KDM2B: variants seen among roughly 807,000 people sequenced by gnomAD.
The protein encoded by KDM2B is lysine demethylase 2B.
In KDM2B, 26 loss-of-function variants were observed where a neutral mutation model predicts 150.0. That is an observed-to-expected ratio of 0.17 (90% CI 0.13 to 0.24). The LOEUF (loss-of-function observed/expected upper bound fraction) is 0.24, where lower values mean the gene tolerates loss of function less well. Ranked by LOEUF, KDM2B falls within the 10% of genes least tolerant of loss-of-function variation. KDM2B has a pLI of 1.00. For synonymous variants in KDM2B, 734 were observed against 729.5 expected (o/e 1.01, Z -0.10); for missense variants, 1,265 against 1,816.9 (o/e 0.70, Z 5.52).
rs782258980 is a variant in KDM2B at position 121,444,022 on chromosome 12, C to A, written c.2441G>T (p.Gly814Val). 3 of 1,610,504 alleles carry A rather than the reference C, an allele frequency of 1.9e-6. No homozygotes were observed. The highest frequency in any genetic ancestry group is 2.5e-6 in the Non-Finnish European group (3 of 1,177,764). The change falls in exon 16 of 23, where the codon GGA (glycine) becomes GTA (valine). Residue 814 changes from glycine (G) to valine (V), a missense_variant. Gly to Val is a moderately radical substitution (Grantham distance 109, BLOSUM62 -3). Transcript: ENST00000377071. ...CCTCCTGGTCCGTACCCGCTTGCGT[C>A]CACTCAGCTCCTGGGGCTTCTCGTA... is the stretch of plus-strand genomic sequence containing the variant. Reference protein sequence around the residue: ...RKYEKPQELSGRKRASSLQTS... With the variant: ...RKYEKPQELSVRKRASSLQTS...
downstream of KDM2B, among the ~76,000 whole-genome samples, chr12:121,425,460 T>A (rs1286845603): frequency 2.0e-5 from 3 of 152,338 alleles, no homozygotes; most frequent in African/African-American, 2.4e-5. Flanking sequence ...GAGTCTGTTA[T>A]CTCCTGACTG....
At chr12:121,495,950 C>T (rs997238936) in intron 11 of KDM2B, among the ~76,000 whole-genome samples, 3 of 152,022 alleles carry the variant, frequency 2.0e-5, no homozygotes, top group African/African-American at 7.2e-5. Context: ...TGTTCACTCT[C>T]GGTGAGCAGT....
intron 2 of KDM2B, among the ~76,000 whole-genome samples, chr12:121,577,051 C>A (rs1376134774): frequency 2.6e-5 from 4 of 152,180 alleles, no homozygotes; most frequent in African/African-American, 9.7e-5. Context: ...TATTTTGAAT[C>A]CAGGCTAAGG....
At chr12:121,480,933 T>TG (rs1407656673) in intron 12 of KDM2B, among the ~76,000 whole-genome samples, 3 of 58,310 alleles carry the variant, frequency 5.1e-5, no homozygotes, top group Non-Finnish European at 1.4e-4. Context: ...TTTTTTGTTG[T>TG]TTTTTTTTTT....
At chr12:121,413,246 T>C in the KDM2B span, among the ~76,000 whole-genome samples, 1 of 149,962 alleles carries the variant, frequency 6.7e-6, no homozygotes, top group Admixed American at 6.7e-5. Context: ...AGGCTGTTCT[T>C]GAACTCCTGA....
the KDM2B span, chr12:121,420,799 T>C: frequency 1.9e-6 from 3 of 1,579,996 alleles, no homozygotes; most frequent in South Asian, 3.3e-5. Context: ...CTTTTCATTT[T>C]TTCCCTGTAG....
In KDM2B at chr12:121,521,068, A is replaced by C. The variant is rs1566371236; in HGVS notation, c.964T>G (p.Ser322Ala). 6.2e-7 allele frequency: 1 copy of C among 1,613,850 alleles called. No homozygotes were observed. Among genetic ancestry groups the C allele is most frequent in the Non-Finnish European group, 8.5e-7 (1 of 1,179,920 alleles). ...WIHAVYTPVD[S>A]LVFGGNILHS... ...AGGATGTTTCCGCCGAACACCAAAGAGTCTACAGGGGTGTAGACGGCATGG... is the reference window on the plus strand; with the variant it reads ...AGGATGTTTCCGCCGAACACCAAAGCGTCTACAGGGGTGTAGACGGCATGG... Residue 322 changes from serine to alanine, a missense_variant, in exon 9 of 23, where the codon TCT becomes GCT. Coordinates refer to ENST00000377071, the MANE Select transcript of KDM2B (RefSeq NM_032590.5). The surrounding 1 kb of genome is among the most constrained non-coding windows in gnomAD (Gnocchi z 4.9).
downstream of KDM2B, among the ~76,000 whole-genome samples, chr12:121,427,337 AGACCAGCCT>A (rs1872556952): frequency 6.6e-6 from 1 of 152,180 alleles, no homozygotes; most frequent in African/African-American, 2.4e-5. Context: ...CAGGAGTTCG[AGACCAGCCT>A]GGCCAACATG....
In KDM2B at chr12:121,511,218, C is replaced by T. The variant is rs915681550; in HGVS notation, c.1175-1179G>A. 4.5e-4 allele frequency among the ~76,000 whole-genome samples: 68 copies of T among 150,312 alleles called. 1 individual carries two copies. Among genetic ancestry groups the T allele is most frequent in the Admixed American group, 2.0e-4 (3 of 14,968 alleles). The stretch of plus-strand genomic sequence containing the variant: ...AGAGACAGGGTTTTACCTTGTTGGT[C>T]AGGTTGGTCTCGAACTCCTAACGTC... On this transcript the variant is annotated intron_variant, in intron 10 of 22. Transcript: ENST00000377071.
At chr12:121,531,370 C>G (rs997285722) in intron 8 of KDM2B, among the ~76,000 whole-genome samples, 9 of 152,218 alleles carry the variant, frequency 5.9e-5, no homozygotes, top group African/African-American at 1.9e-4. Context: ...ATCCCCATAG[C>G]AGGAACTGCT....
chr12:121,440,745 G>A, intron 21 of KDM2B, 71 bp downstream of exon 21: 1 of 1,400,484 alleles, frequency 7.1e-7, no homozygotes, highest in South Asian at 1.3e-5. Flanking sequence ...TGGGGTCTGA[G>A]GGTAAAAGCA....
rs145849631 is a variant in KDM2B, at chr12:121,552,883, C to T, written c.398-3245G>A. On this transcript the variant is annotated intron_variant, in intron 4 of 22. Transcript: ENST00000377071. ...CTTCCTTACCCAGGTGCCTGGAATA[C>T]GTGGGCGCCACTCAGATTTTCCAGG... Among the ~76,000 whole-genome samples the T allele has an allele frequency of 5.1e-3, 772 of 152,124 alleles. 3 individuals are homozygous for T. The highest frequency in any genetic ancestry group is 8.7e-3 in the Admixed American group (133 of 15,266).
At chr12:121,486,333 C>CTTTTTTTTTTTTT (rs71079073) in intron 12 of KDM2B, among the ~76,000 whole-genome samples, 1 of 59,008 alleles carries the variant, frequency 1.7e-5, no homozygotes, top group African/African-American at 7.8e-5. Flanking sequence ...TTTCGAACTC[C>CTTTTTTTTTTTTT]TTTTTTTTTT....
chr12:121,428,064 C>T (rs1346408545), downstream of KDM2B, among the ~76,000 whole-genome samples: 1 of 152,156 alleles, frequency 6.6e-6, no homozygotes, highest in East Asian at 1.9e-4. Context: ...AAGAAAGTCA[C>T]ATTTTTATAA....
chr12:121,492,938 C>T (rs1273155800), intron 12 of KDM2B, among the ~76,000 whole-genome samples: 1 of 151,958 alleles, frequency 6.6e-6, no homozygotes, highest in Non-Finnish European at 1.5e-5. Flanking sequence ...ATCTGTTGCC[C>T]AGACTGAAGT....
chr12:121,559,958 T>G (rs934586659), intron 4 of KDM2B, among the ~76,000 whole-genome samples: 3 of 151,280 alleles, frequency 2.0e-5, no homozygotes, highest in African/African-American at 7.3e-5. Context: ...CAAGTAGAAA[T>G]TTGATCATTG....
Position 121,581,002 on chromosome 12 carries a change from AG to A in KDM2B, c.-92del. On this transcript the variant is annotated 5_prime_UTR_variant, in exon 1 of 23. Coordinates refer to ENST00000377071, the MANE Select transcript of KDM2B (RefSeq NM_032590.5). ...TAACTTTTAAACTCCCGGCACTCAA[AG>A]ATGTGGACACACACACGTACAGGAA... 6.6e-7 allele frequency: 1 copy of A among 1,513,102 alleles called. No individual in the cohort carries two copies. Among genetic ancestry groups the A allele is most frequent in the South Asian group, 1.3e-5 (1 of 77,642 alleles). The allele number at this position is 1,513,102 out of a possible 1,614,324, so 93.7% of individuals were successfully genotyped here. A position where few individuals can be genotyped will look rare whatever the true frequency, so the allele number is the denominator to read the frequency against.
At chr12:121,460,651 G>T (rs545467933) in intron 12 of KDM2B, among the ~76,000 whole-genome samples, 1 of 152,152 alleles carries the variant, frequency 6.6e-6, no homozygotes, top group Non-Finnish European at 1.5e-5. Context: ...CAAGTGACCC[G>T]ACCGACTTGG....
chr12:121,450,130 A>G (rs1876970960), intron 13 of KDM2B, among the ~76,000 whole-genome samples: 1 of 151,912 alleles, frequency 6.6e-6, no homozygotes, highest in African/African-American at 2.4e-5. Flanking sequence ...CCTAGACAAT[A>G]GAGTGAAACC....
Sources: allele counts gnomAD v4.1 joint callset (sites outside exome capture counted in the v4.1 genomes callset), GRCh38; gene constraint gnomAD v4.1.1; non-coding constraint Gnocchi (gnomAD v3.1); transcripts MANE v1.5; gene names NCBI Gene and HGNC (gene_info 2026-07-23, HGNC 2026-07-21).